The following RNF216 variants were observed in gnomAD, a reference collection of about 807,000 sequenced individuals.
The protein encoded by RNF216 is E3 ubiquitin-protein ligase RNF216.
Under a neutral mutation model 110.8 loss-of-function variants are expected in RNF216, and 72 were observed. The observed-to-expected ratio is 0.65, with a 90% CI of 0.54 to 0.79. RNF216 has a LOEUF of 0.79. Among genes scored for constraint, RNF216 ranks in the 30% least tolerant of loss-of-function variants. The pLI is 0.00. For missense variants in RNF216, 1,342 were observed against 1,141.2 expected (o/e 1.18, Z -2.54); for synonymous variants, 495 against 407.5 (o/e 1.21, Z -2.59).
intron 4 of RNF216, among the ~76,000 whole-genome samples, chr7:5,740,539 G>A (rs912241347): frequency 8.5e-5 from 13 of 152,180 alleles, no homozygotes; most frequent in South Asian, 2.1e-4. Context: ...CTAAGGTTAA[G>A]ATGTGACTGA....
intron 2 of RNF216, 75 bp from the exon 3 acceptor site, chr7:5,753,054 G>C (rs1365494336): frequency 9.9e-6 from 15 of 1,509,844 alleles, no homozygotes; most frequent in Non-Finnish European, 1.3e-5. Context: ...TTTCCTGACA[G>C]GGGTACAGCC....
intron 5 of RNF216, among the ~76,000 whole-genome samples, chr7:5,738,790 G>C (rs187302398): frequency 6.6e-6 from 1 of 151,670 alleles, no homozygotes; most frequent in Admixed American, 6.6e-5. Flanking sequence ...ACAATCGTAG[G>C]GAAGAAAATG....
intron 8 of RNF216, among the ~76,000 whole-genome samples, chr7:5,721,692 C>A (rs1267085823): frequency 6.6e-6 from 1 of 152,208 alleles, no homozygotes; most frequent in Non-Finnish European, 1.5e-5. Flanking sequence ...CATGTCCTTA[C>A]CAACACCTAT....
At chr7:5,771,527 TG>T (rs1796493669) in intron 1 of RNF216, among the ~76,000 whole-genome samples, 1 of 152,242 alleles carries the variant, frequency 6.6e-6, no homozygotes. Context: ...CGGGGTGCAG[TG>T]GCTCATGCCT....
At chr7:5,730,038 G>A (rs1024923556) in intron 6 of RNF216, among the ~76,000 whole-genome samples, 2 of 152,152 alleles carry the variant, frequency 1.3e-5, no homozygotes, top group East Asian at 1.9e-4. Context: ...AATGATTGAA[G>A]TTTTTAAAAA....
chr7:5,657,937 T>A (rs1452317987), intron 13 of RNF216, among the ~76,000 whole-genome samples: 1 of 152,194 alleles, frequency 6.6e-6, no homozygotes, highest in Non-Finnish European at 1.5e-5. Context: ...AGAATGCACA[T>A]AACAGCCGAA....
intron 13 of RNF216, among the ~76,000 whole-genome samples, chr7:5,678,149 C>G (rs1790425154): frequency 6.6e-6 from 1 of 152,218 alleles, no homozygotes; most frequent in Admixed American, 6.5e-5. Context: ...TTTGCCAATA[C>G]TCAGGCATGT....
intron 13 of RNF216, among the ~76,000 whole-genome samples, chr7:5,690,947 C>A (rs201648752): frequency 6.6e-6 from 1 of 152,124 alleles, no homozygotes; most frequent in African/African-American, 2.4e-5. Context: ...CAACTTGGAC[C>A]CTGTGGTTCA....
At chr7:5,641,473 CT>C in intron 14 of RNF216, 97 bp from the exon 15 acceptor site, 5 of 1,002,156 alleles carry the variant, frequency 5.0e-6, no homozygotes, top group Non-Finnish European at 7.4e-6. Context: ...AAAATGATCA[CT>C]TATGGCTTTT....
chr7:5,671,656 T>C (rs576979327), intron 13 of RNF216, among the ~76,000 whole-genome samples: 1 of 151,776 alleles, frequency 6.6e-6, no homozygotes, highest in South Asian at 2.1e-4. Context: ...TACAAAAAAA[T>C]CAGCTGGGCG....
intron 14 of RNF216, among the ~76,000 whole-genome samples, chr7:5,650,240 A>G (rs929712686): frequency 2.6e-5 from 4 of 152,186 alleles, no homozygotes; most frequent in African/African-American, 9.7e-5. Flanking sequence ...TGGAATCAAC[A>G]TATATCACAT....
chr7:5,653,051 TGTGCCCACAAGCTGGC>T (rs1410160287), intron 13 of RNF216, among the ~76,000 whole-genome samples: 1 of 152,178 alleles, frequency 6.6e-6, no homozygotes, highest in African/African-American at 2.4e-5. Flanking sequence ...GCAAAATCCC[TGTGCCCACAAGCTGGC>T]GTCCAAAACT....
intron 1 of RNF216, among the ~76,000 whole-genome samples, chr7:5,769,495 G>C (rs1053291706): frequency 6.6e-6 from 1 of 151,892 alleles, no homozygotes; most frequent in East Asian, 2.0e-4. Flanking sequence ...GTCTGAGGTG[G>C]GCGGACTGCT....
chr7:5,779,189 C>T (rs1439861038), intron 1 of RNF216, among the ~76,000 whole-genome samples: 1 of 152,036 alleles, frequency 6.6e-6, no homozygotes, highest in Non-Finnish European at 1.5e-5. Flanking sequence ...CAGCAAATAC[C>T]AGCTCTCTCA....
At chr7:5,722,800 T>A (rs1199515668) in intron 8 of RNF216, among the ~76,000 whole-genome samples, 1 of 151,844 alleles carries the variant, frequency 6.6e-6, no homozygotes, top group Non-Finnish European at 1.5e-5. Context: ...GGAGGGCACA[T>A]CATCTAAGGT....
intron 13 of RNF216, among the ~76,000 whole-genome samples, chr7:5,676,285 T>C (rs928048790): frequency 3.3e-5 from 5 of 152,144 alleles, no homozygotes; most frequent in African/African-American, 1.2e-4. Context: ...GTGGGAGGCA[T>C]TGACCACCGC....
chr7:5,764,434 A>G (rs1584602261), intron 1 of RNF216, among the ~76,000 whole-genome samples: 1 of 151,492 alleles, frequency 6.6e-6, no homozygotes, highest in African/African-American at 2.4e-5. Context: ...GATCACTTGA[A>G]GTCAGGAGTT....
chr7:5,625,198 G>C (rs760304810), intron 15 of RNF216, among the ~76,000 whole-genome samples: 1 of 152,232 alleles, frequency 6.6e-6, no homozygotes, highest in South Asian at 2.1e-4. Flanking sequence ...CAGCAAGCAG[G>C]AAAGAGATAG....
chr7:5,657,062 C>G (rs904053881), intron 13 of RNF216, among the ~76,000 whole-genome samples: 1 of 152,238 alleles, frequency 6.6e-6, no homozygotes, highest in Non-Finnish European at 1.5e-5. Context: ...CCCATGCGTG[C>G]TAGATTTCAG....
Sources: gnomAD v4.1 joint callset for allele counts (sites outside exome capture counted in the v4.1 genomes callset) on GRCh38, gnomAD v4.1.1 for gene constraint, MANE v1.5 for transcripts, NCBI Gene and HGNC (gene_info 2026-07-23, HGNC 2026-07-21) for gene names.